Variants in RYR2 observed in about 807,000 individuals in gnomAD.
RYR2 encodes the protein ryanodine receptor 2.
Under a neutral mutation model 601.1 loss-of-function variants are expected in RYR2, and 227 were observed. The ratio of observed to expected loss-of-function variants is 0.38; its 90% CI spans 0.34 to 0.42. RYR2 has a LOEUF of 0.42. Among genes scored for constraint, RYR2 ranks in the 10% least tolerant of loss-of-function variants. The probability of loss-of-function intolerance (pLI) is 1.00; values close to 1 mark genes in which losing one functional copy is unlikely to be tolerated. For missense variants in RYR2, 4,646 were observed against 6,156.5 expected (o/e 0.75, Z 8.21); for synonymous variants, 2,223 against 2,175.1 (o/e 1.02, Z -0.61).
Position 237,638,487 on chromosome 1 carries a change from G to C in RYR2, c.6923G>C (p.Cys2308Ser), listed in dbSNP as rs775398296. ...GACTTTCTTAGATTTGCTGTCTTCTGTAATGGTAGGACTTGATTTCTTGAG... is the reference window on the plus strand; with the variant it reads ...GACTTTCTTAGATTTGCTGTCTTCTCTAATGGTAGGACTTGATTTCTTGAG... ...YLDFLRFAVF[C>S]NGESVEENAN... is the part of the protein sequence containing the mutation. The change falls in exon 45 of 105, where the codon TGT becomes TCT. Residue 2308 changes from cysteine to serine, a missense_variant. Physicochemically the swap from Cys to Ser is moderately radical, Grantham distance 112. Transcript: ENST00000366574. 1 of 1,613,774 alleles carries C rather than the reference G, an allele frequency of 6.2e-7. No individual in the cohort carries two copies. The highest frequency in any genetic ancestry group is 1.1e-5 in the South Asian group (1 of 91,074).
rs1272004741 is a variant in RYR2 at position 237,831,428 on chromosome 1, G to T, written c.14757-86G>T. ...TTCTCTGTGCTGGCCATAATTGATT[G>T]CAACCATACAATTTATCTAAATATG... is the stretch of plus-strand genomic sequence containing the variant. On this transcript the variant is annotated intron_variant, in intron 103 of 104. Transcript: ENST00000366574. 15 of 752,342 alleles carry T rather than the reference G, an allele frequency of 2.0e-5. No homozygotes were observed. In the Admixed American group the frequency reaches 3.7e-4, roughly 19 times the overall value. 46.6% of individuals were successfully genotyped at this position (752,342 alleles called of 1,614,324 possible). A position where few individuals can be genotyped will look rare whatever the true frequency, so the allele number is the denominator to read the frequency against.
chr1:237,386,528 G>A (rs1424779816), intron 8 of RYR2, among the ~76,000 whole-genome samples: 4 of 152,206 alleles, frequency 2.6e-5, no homozygotes, highest in Non-Finnish European at 2.9e-5. Flanking sequence ...AAGACTCCAC[G>A]AAAACAGGTG....
chr1:237,222,529 G>T (rs533555861), intron 1 of RYR2, among the ~76,000 whole-genome samples: 71 of 151,882 alleles, frequency 4.7e-4, no homozygotes, highest in Middle Eastern at 3.4e-3. Context: ...TCTCCTATTT[G>T]ACCAGCCAGA....
At chr1:237,555,413 G>C (rs1372621562) in intron 27 of RYR2, among the ~76,000 whole-genome samples, 1 of 151,998 alleles carries the variant, frequency 6.6e-6, no homozygotes, top group African/African-American at 2.4e-5. Flanking sequence ...ATATTTTTAG[G>C]TTGGAAAGAT....
chr1:237,651,765 C>T lies in RYR2; in HGVS notation c.7824+264C>T, dbSNP rs36061677. The stretch of plus-strand genomic sequence containing the variant: ...AAAAAAAAGGACCACAGGCCGGGCG[C>T]GGTGGCTCACGCCTGTAATCCCAGC... On this transcript the variant is annotated intron_variant, in intron 51 of 104. Coordinates refer to ENST00000366574, the MANE Select transcript of RYR2 (RefSeq NM_001035.3). 2.6e-3 allele frequency among the ~76,000 whole-genome samples: 388 copies of T among 151,906 alleles called. 13 individuals carry two copies. In the East Asian group the frequency reaches 0.047, roughly 18 times the overall value.
intron 77 of RYR2, 97 bp downstream of exon 77, chr1:237,730,453 A>G (rs1254793758): frequency 3.1e-6 from 2 of 648,654 alleles, no homozygotes; most frequent in Non-Finnish European, 2.8e-6. Flanking sequence ...AGGAAAAAAT[A>G]TCATTACAGT....
chr1:237,257,854 A>G lies in RYR2; in HGVS notation c.49-12643A>G, dbSNP rs78049604. ...CAAAGATCTGGAGGAAGAACAAGCA[A>G]AGACCTTGAGGTAGAAAAGGGCTTT... is the stretch of plus-strand genomic sequence containing the variant. On this transcript the variant is annotated intron_variant, in intron 1 of 104. Transcript: ENST00000366574. Among the ~76,000 whole-genome samples the G allele has an allele frequency of 3.3e-5, 5 of 152,238 alleles. No individual in the cohort carries two copies. In the East Asian group the frequency reaches 9.7e-4, roughly 29 times the overall value.
In RYR2 at chr1:237,687,513, A is replaced by G. The variant is rs1320899469; in HGVS notation, c.9067+9A>G. 1.2e-6 allele frequency: 2 copies of G among 1,601,344 alleles called. No homozygotes were observed. The highest frequency in any genetic ancestry group is 4.5e-5 in the East Asian group (2 of 44,708). On this transcript the variant is annotated intron_variant, in intron 63 of 104. Transcript: ENST00000366574. The stretch of plus-strand genomic sequence containing the variant: ...TAGGATTTCACTATTTGGTAAGGAG[A>G]CCCTTGAAAAAATACAAGCATGGCC...
Position 237,588,066 on chromosome 1 carries a change from G to A in RYR2, c.3599-1727G>A, listed in dbSNP as rs138074090. 1.0e-3 allele frequency among the ~76,000 whole-genome samples: 153 copies of A among 152,112 alleles called. No individual in the cohort carries two copies. The East Asian group carries it at 0.026, about 26-fold the overall frequency. ...TTTCTTTTTATTTGATTTCTTTGGG[G>A]ACACTCATTTAAAACAACTTTTCTT... is the stretch of plus-strand genomic sequence containing the variant. On this transcript the variant is annotated intron_variant, in intron 29 of 104. Transcript: ENST00000366574.
rs549514641 is a variant in RYR2 at position 237,252,752 on chromosome 1, C to T, written c.49-17745C>T. On this transcript the variant is annotated intron_variant, in intron 1 of 104. Transcript: ENST00000366574. ...AGGTGGAGATTTCAGAGAGGAAAAA[C>T]ATTGCAATCCCAGTGACTAGTAAAA... Among the ~76,000 whole-genome samples the T allele has an allele frequency of 2.9e-3, 438 of 152,316 alleles. 3 individuals are homozygous for T. Among genetic ancestry groups the T allele is most frequent in the African/African-American group, 9.3e-3 (387 of 41,572 alleles).
At chr1:237,366,542 C>T (rs537292415) in intron 5 of RYR2, among the ~76,000 whole-genome samples, 1 of 151,976 alleles carries the variant, frequency 6.6e-6, no homozygotes, top group Non-Finnish European at 1.5e-5. Context: ...GTTGGGATTA[C>T]AAGCATGAGG....
intron 42 of RYR2, among the ~76,000 whole-genome samples, chr1:237,631,889 T>A (rs960292207): frequency 5.8e-5 from 8 of 137,998 alleles, no homozygotes; most frequent in Admixed American, 4.4e-4. Context: ...TGGCCTCCCC[T>A]CCCGAAGTGC....
At chr1:237,351,578 T>G (rs1051265585) in intron 3 of RYR2, among the ~76,000 whole-genome samples, 1 of 151,860 alleles carries the variant, frequency 6.6e-6, no homozygotes, top group Non-Finnish European at 1.5e-5. Context: ...CCAAAGAAAT[T>G]AAAACATTCT....
At chr1:237,529,845 C>A (rs1424958570) in intron 24 of RYR2, among the ~76,000 whole-genome samples, 1 of 150,772 alleles carries the variant, frequency 6.6e-6, no homozygotes, top group Non-Finnish European at 1.5e-5. Flanking sequence ...AGCAGGATAT[C>A]GAAGAATTGT....
At position 237,268,956 on chromosome 1, in the gene RYR2, A is replaced by C. The variant is rs1333943924; in HGVS notation, c.49-1541A>C. On this transcript the variant is annotated intron_variant, in intron 1 of 104. Transcript: ENST00000366574. ...GTCTCAAAAAAAAAAAAAAAAAAAAAAAAAAGGAAATAAAGGCAAATAAAA... is the reference window on the plus strand; with the variant it reads ...GTCTCAAAAAAAAAAAAAAAAAAAACAAAAAGGAAATAAAGGCAAATAAAA... 7.6e-4 allele frequency among the ~76,000 whole-genome samples: 101 copies of C among 132,858 alleles called. 1 individual carries two copies. The highest frequency in any genetic ancestry group is 1.2e-3 in the South Asian group (5 of 4,008). The allele number at this position is 132,858 out of a possible 152,430, so 87.2% of individuals were successfully genotyped here.
chr1:237,050,590 G>T (rs1014673010), intron 1 of RYR2, among the ~76,000 whole-genome samples: 2 of 152,156 alleles, frequency 1.3e-5, no homozygotes, highest in Non-Finnish European at 2.9e-5. Flanking sequence ...TTCTAATGAA[G>T]TTTTAATTGT....
At chr1:237,457,234 T>G (rs904900715) in intron 16 of RYR2, among the ~76,000 whole-genome samples, 4 of 152,172 alleles carry the variant, frequency 2.6e-5, no homozygotes, top group African/African-American at 4.8e-5. Context: ...TCCCATCTAA[T>G]CAATGATCTG....
intron 1 of RYR2, among the ~76,000 whole-genome samples, chr1:237,170,135 C>T (rs572584824): frequency 1.2e-3 from 189 of 152,164 alleles, no homozygotes; most frequent in African/African-American, 4.5e-3. Context: ...AAAAGAAAAA[C>T]ACATGGTAAT....
intron 80 of RYR2, chr1:237,743,746 C>T (rs1245507819): frequency 4.6e-6 from 2 of 430,424 alleles, no homozygotes; most frequent in Admixed American, 2.5e-5. Flanking sequence ...AATCTTTCTA[C>T]AAGTTTGTAG....
Sources: allele counts gnomAD v4.1 joint callset (sites outside exome capture counted in the v4.1 genomes callset), GRCh38; gene constraint gnomAD v4.1.1; transcripts MANE v1.5; gene names NCBI Gene and HGNC (gene_info 2026-07-23, HGNC 2026-07-21).